Variants in CLCA1 observed in about 807,000 individuals in gnomAD.
CLCA1 encodes chloride channel accessory 1.
CLCA1 carries 59 observed loss-of-function variants against 85.6 expected under a neutral mutation model. That is an observed-to-expected ratio of 0.69 (90% CI 0.56 to 0.86). CLCA1 has a LOEUF of 0.86. Among genes scored for constraint, CLCA1 ranks in the 40% least tolerant of loss-of-function variants. The pLI, the probability that CLCA1 is intolerant of heterozygous loss-of-function variation, is 0.00. For synonymous variants in CLCA1, 396 were observed against 398.3 expected (o/e 0.99, Z 0.07); for missense variants, 1,022 against 1,101.4 (o/e 0.93, Z 1.02).
intron 1 of CLCA1, among the ~76,000 whole-genome samples, chr1:86,470,691 G>A (rs1570277200): frequency 6.6e-6 from 1 of 152,106 alleles, no homozygotes; most frequent in Non-Finnish European, 1.5e-5. Context: ...TTCCTTCTCT[G>A]TAACAAGAAC....
intron 1 of CLCA1, among the ~76,000 whole-genome samples, chr1:86,471,910 T>C (rs186718003): frequency 1.3e-5 from 2 of 152,232 alleles, no homozygotes; most frequent in Admixed American, 6.5e-5. Context: ...CCCCATAAAA[T>C]GGTGAAGCAT....
At chr1:86,486,491 A>C in intron 6 of CLCA1, 35 bp from the exon 7 acceptor site, 14 of 1,596,910 alleles carry the variant, frequency 8.8e-6, no homozygotes, top group Non-Finnish European at 1.2e-5. Flanking sequence ...TTTCCATCTA[A>C]ACGTAACCTG....
In CLCA1 at chr1:86,498,232, T is replaced by C. The variant is rs374179162; in HGVS notation, c.2114-340T>C. Reference sequence around the variant, plus strand: ...GAAAAAACAGATGTAGTATTTAAACTGACCTTGTGGAAAGACAAGATCAGG... The same window carrying C: ...GAAAAAACAGATGTAGTATTTAAACCGACCTTGTGGAAAGACAAGATCAGG... On this transcript the variant is annotated intron_variant, in intron 12 of 13. Coordinates refer to ENST00000394711, the MANE Select transcript of CLCA1 (RefSeq NM_001285.4). Among the ~76,000 whole-genome samples the C allele has an allele frequency of 1.0e-4, 15 of 150,570 alleles. No individual in the cohort carries two copies. The South Asian group carries it at 1.9e-3, about 19-fold the overall frequency.
intron 8 of CLCA1, among the ~76,000 whole-genome samples, chr1:86,490,986 G>A (rs921087059): frequency 6.6e-6 from 1 of 151,640 alleles, no homozygotes; most frequent in East Asian, 1.9e-4. Flanking sequence ...GAGGTAGGAA[G>A]ATCGCTTGAG....
intron 3 of CLCA1, among the ~76,000 whole-genome samples, chr1:86,474,989 A>G (rs989511494): frequency 3.3e-5 from 5 of 152,076 alleles, no homozygotes; most frequent in Non-Finnish European, 7.4e-5. Flanking sequence ...ATCCCCAAAC[A>G]CACTAGAGCG....
rs765047694 is a variant in CLCA1 at position 86,500,014 on chromosome 1, G to A, written c.2714G>A (p.Trp905Ter). The stretch of plus-strand genomic sequence containing the variant: ...CACATTTTAAAAATTATGTGGAAGT[G>A]GATAGGAGAACTGCAGCTGTCAATA... ...GIHILKIMWKWIGELQLSIA is the reference protein window; with the variant it reads ...GIHILKIMWK The change falls in exon 14 of 14, where the codon TGG becomes TAG. Residue 905 changes from tryptophan (W) to a stop codon, truncating the protein, a stop_gained. Transcript: ENST00000394711. LOFTEE classifies it high-confidence loss of function. 1 of 1,611,960 alleles carries A rather than the reference G, an allele frequency of 6.2e-7. No homozygotes were observed. The highest frequency in any genetic ancestry group is 8.5e-7 in the Non-Finnish European group (1 of 1,178,170).
intron 1 of CLCA1, among the ~76,000 whole-genome samples, chr1:86,473,164 C>T (rs1220268263): frequency 6.6e-6 from 1 of 152,164 alleles, no homozygotes; most frequent in Non-Finnish European, 1.5e-5. Context: ...GAATGTCCCA[C>T]AAAAAGTGGT....
chr1:86,483,985 A>G (rs1279294597), intron 5 of CLCA1, among the ~76,000 whole-genome samples: 7 of 152,230 alleles, frequency 4.6e-5, no homozygotes, highest in Admixed American at 4.6e-4. Context: ...ACGAGGTGGC[A>G]GGAGAGAGAG....
intron 4 of CLCA1, among the ~76,000 whole-genome samples, chr1:86,480,231 A>C (rs1007042752): frequency 6.6e-6 from 1 of 152,180 alleles, no homozygotes; most frequent in African/African-American, 2.4e-5. Context: ...ACCAAACATA[A>C]ACTAAATAAA....
chr1:86,480,270 A>T (rs1322755894), intron 4 of CLCA1, among the ~76,000 whole-genome samples: 1 of 152,210 alleles, frequency 6.6e-6, no homozygotes, highest in African/African-American at 2.4e-5. Flanking sequence ...GATATTTGCA[A>T]AAACAAAAAA....
At chr1:86,498,508 A>G in intron 12 of CLCA1, 64 bp from the exon 13 acceptor site, 1 of 1,309,492 alleles carries the variant, frequency 7.6e-7, no homozygotes, top group Non-Finnish European at 1.1e-6. Flanking sequence ...TGATAAGAAA[A>G]CAGACGGAGG....
At chr1:86,480,738 T>G (rs1161825930) in intron 4 of CLCA1, among the ~76,000 whole-genome samples, 2 of 152,262 alleles carry the variant, frequency 1.3e-5, no homozygotes, top group Non-Finnish European at 2.9e-5. Context: ...ATTTATTGTC[T>G]AGTAAGTTAT....
chr1:86,483,246 G>A (rs1297673810), intron 5 of CLCA1, among the ~76,000 whole-genome samples: 3 of 152,150 alleles, frequency 2.0e-5, no homozygotes, highest in Admixed American at 6.6e-5. Flanking sequence ...TAGCCACAGA[G>A]TTAAATATGA....
chr1:86,490,899 T>A (rs1455461972), intron 8 of CLCA1, among the ~76,000 whole-genome samples: 1 of 89,706 alleles, frequency 1.1e-5, no homozygotes, highest in African/African-American at 4.0e-5. Flanking sequence ...AACCCATCTC[T>A]AAAAAAAAAA....
intron 12 of CLCA1, among the ~76,000 whole-genome samples, chr1:86,497,073 G>A (rs1217919453): frequency 2.6e-5 from 4 of 152,234 alleles, no homozygotes; most frequent in Admixed American, 6.5e-5. Flanking sequence ...GAAGGGGACT[G>A]GTTTAGTGGC....
At chr1:86,497,428 C>T (rs1230750683) in intron 12 of CLCA1, among the ~76,000 whole-genome samples, 2 of 152,206 alleles carry the variant, frequency 1.3e-5, no homozygotes, top group Non-Finnish European at 2.9e-5. Context: ...CTAAGTAATG[C>T]CATGTTAGGA....
At chr1:86,478,704 T>C (rs1647743324) in intron 4 of CLCA1, among the ~76,000 whole-genome samples, 1 of 152,254 alleles carries the variant, frequency 6.6e-6, no homozygotes, top group African/African-American at 2.4e-5. Flanking sequence ...AGTATTTCCT[T>C]CTAGAGATAT....
intron 13 of CLCA1, among the ~76,000 whole-genome samples, chr1:86,499,304 G>A (rs1648388728): frequency 6.6e-6 from 1 of 152,208 alleles, no homozygotes; most frequent in African/African-American, 2.4e-5. Context: ...ATTACAGTTT[G>A]AGAAGCATTG....
intron 1 of CLCA1, among the ~76,000 whole-genome samples, chr1:86,470,406 TG>T (rs1445539695): frequency 6.6e-6 from 1 of 152,220 alleles, no homozygotes. Flanking sequence ...AATTTGGAAG[TG>T]GCATCAGCAA....
Sources: gnomAD v4.1 joint callset for allele counts (sites outside exome capture counted in the v4.1 genomes callset) on GRCh38, gnomAD v4.1.1 for gene constraint, MANE v1.5 for transcripts, NCBI Gene and HGNC (gene_info 2026-07-23, HGNC 2026-07-21) for gene names.